GNG7: variants seen among roughly 807,000 people sequenced by gnomAD.
GNG7 encodes G protein subunit gamma 7.
GNG7 carries 1 observed loss-of-function variant against 4.0 expected under a neutral mutation model. That is an observed-to-expected ratio of 0.25 (90% CI 0.09 to 1.18). The LOEUF is 1.18. Ranked by LOEUF, GNG7 falls within the 50% of genes most tolerant of loss-of-function variation. The pLI, the probability that GNG7 is intolerant of heterozygous loss-of-function variation, is 0.50. For synonymous variants in GNG7, 34 were observed against 36.9 expected (o/e 0.92, Z 0.29); for missense variants, 86 against 91.9 (o/e 0.94, Z 0.26).
chr19:2,688,345 G>T (rs1349756934), intron 1 of GNG7, among the ~76,000 whole-genome samples: 6 of 152,192 alleles, frequency 3.9e-5, no homozygotes, highest in Admixed American at 3.9e-4. Flanking sequence ...GGGAAGTGGG[G>T]AGTTCCCTCA....
chr19:2,547,993 T>C (rs568554469), intron 3 of GNG7, among the ~76,000 whole-genome samples: 1 of 152,280 alleles, frequency 6.6e-6, no homozygotes, highest in African/African-American at 2.4e-5. Context: ...TTCTCTGCTG[T>C]GGCCCGTGGG....
chr19:2,682,080 T>C (rs1380729805), intron 1 of GNG7, among the ~76,000 whole-genome samples: 3 of 151,902 alleles, frequency 2.0e-5, no homozygotes, highest in African/African-American at 7.3e-5. Context: ...CGGCTAATTT[T>C]GTATTTTTAG....
rs1045889656 is a variant in GNG7 at position 2,702,658 on chromosome 19, C to T, written c.-147G>A. The stretch of plus-strand genomic sequence containing the variant: ...CGGGCGCCCTTACCTGCGCTCGGGC[C>T]CCGCGGCCGCCTCAGCCCCGCCGCG... On this transcript the variant is annotated 5_prime_UTR_variant, in exon 1 of 5. Transcript: ENST00000382159. 1 of 151,316 alleles carries T rather than the reference C, an allele frequency of 6.6e-6. No individual in the cohort carries two copies. Among genetic ancestry groups the T allele is most frequent in the Non-Finnish European group, 1.5e-5 (1 of 67,646 alleles). The allele number at this position is 151,316 out of a possible 1,614,324, so 9.4% of individuals were successfully genotyped here.
At chr19:2,541,539 C>T (rs975726743) in intron 3 of GNG7, among the ~76,000 whole-genome samples, 1 of 151,890 alleles carries the variant, frequency 6.6e-6, no homozygotes, top group Non-Finnish European at 1.5e-5. Flanking sequence ...TCGAGACCAG[C>T]CTGGCCAAGA....
At chr19:2,600,968 G>C (rs1273180888) in intron 2 of GNG7, among the ~76,000 whole-genome samples, 1 of 152,030 alleles carries the variant, frequency 6.6e-6, no homozygotes, top group Non-Finnish European at 1.5e-5. Context: ...GGCTGAAGGA[G>C]AATAAAAAAG....
In GNG7 at chr19:2,657,348, AAAAAAAAAAAAAAATATATAT is replaced by A. The variant is rs1303431185; in HGVS notation, c.-134-11089_-134-11069del. Among the ~76,000 whole-genome samples the A allele has an allele frequency of 8.3e-4, 34 of 41,102 alleles. 4 individuals carry two copies. Among genetic ancestry groups the A allele is most frequent in the African/African-American group, 3.0e-3 (29 of 9,608 alleles). 27.0% of individuals were successfully genotyped at this position (41,102 alleles called of 152,430 possible). A position where few individuals can be genotyped will look rare whatever the true frequency, so the allele number is the denominator to read the frequency against. Reference sequence around the variant, plus strand: ...GACCCCGTCTCAATTAAAAAAAAAAAAAAAAAAAAAAAAATATATATATATATATATATATATATATATATA... The same window carrying A: ...GACCCCGTCTCAATTAAAAAAAAAAAATATATATATATATATATATATATA... On this transcript the variant is annotated intron_variant, in intron 1 of 4. Transcript: ENST00000382159.
chr19:2,650,857 C>T (rs1171114491), intron 1 of GNG7, among the ~76,000 whole-genome samples: 1 of 152,198 alleles, frequency 6.6e-6, no homozygotes, highest in East Asian at 1.9e-4. Context: ...GGAGGAGAGA[C>T]CTCTCCGCGG....
At position 2,515,099 on chromosome 19, in the gene GNG7, G is replaced by A. The variant is rs773705229; in HGVS notation, c.130C>T (p.Arg44Trp). 1.1e-5 allele frequency: 18 copies of A among 1,613,878 alleles called. No homozygotes were observed. Among genetic ancestry groups the A allele is most frequent in the South Asian group, 2.2e-5 (2 of 91,064 alleles). Residue 44 changes from arginine to tryptophan, a missense_variant, in exon 5 of 5, where the codon CGG becomes TGG. Transcript: ENST00000382159. ...DLMSYCEQHA[R>W]NDPLLVGVPA... ...ACTCCGACCAGCAGGGGGTCGTTCC[G>A]GGCATGTTGCTCACAGTAGCTCATG...
At chr19:2,524,490 A>G (rs1307147002) in intron 3 of GNG7, among the ~76,000 whole-genome samples, 3 of 152,174 alleles carry the variant, frequency 2.0e-5, no homozygotes, top group Non-Finnish European at 2.9e-5. Flanking sequence ...GTATGTGTAT[A>G]CTGGCATTCA....
chr19:2,616,274 T>C (rs1372447464), intron 2 of GNG7, among the ~76,000 whole-genome samples: 1 of 152,104 alleles, frequency 6.6e-6, no homozygotes, highest in African/African-American at 2.4e-5. Context: ...AGCCGGAGTC[T>C]CGCTCTGCTG....
chr19:2,528,030 G>C (rs1978465753), intron 3 of GNG7, among the ~76,000 whole-genome samples: 2 of 152,130 alleles, frequency 1.3e-5, no homozygotes, highest in Admixed American at 6.6e-5. Context: ...AACTTTGGGA[G>C]GTTGAGGCGG....
In GNG7 at chr19:2,614,376, T is replaced by A. The variant is rs1470051367; in HGVS notation, c.-78+31848A>T. Among the ~76,000 whole-genome samples, 1 of 152,168 alleles carries A rather than the reference T, an allele frequency of 6.6e-6. No homozygotes were observed. Among genetic ancestry groups the A allele is most frequent in the African/African-American group, 2.4e-5 (1 of 41,422 alleles). On this transcript the variant is annotated intron_variant, in intron 2 of 4. Transcript: ENST00000382159. The surrounding 1 kb of genome is among the most constrained non-coding windows in gnomAD (Gnocchi z 6.0). ...ACATCCAGTGGCATTCGTGCAGCCATCATCTCTAGCTAGCTCTAGAACATT... is the reference window on the plus strand; with the variant it reads ...ACATCCAGTGGCATTCGTGCAGCCAACATCTCTAGCTAGCTCTAGAACATT...
chr19:2,620,130 GAGGT>G (rs1389691439), intron 2 of GNG7, among the ~76,000 whole-genome samples: 1 of 150,896 alleles, frequency 6.6e-6, no homozygotes, highest in South Asian at 2.1e-4. Context: ...CCGGGAGGTA[GAGGT>G]TGCAGGTTGC....
chr19:2,633,481 GCGCGCGCACACACA>G lies in GNG7; in HGVS notation c.-78+12729_-78+12742del, dbSNP rs979604334. Among the ~76,000 whole-genome samples the G allele has an allele frequency of 1.4e-4, 11 of 80,448 alleles. No homozygotes were observed. The highest frequency in any genetic ancestry group is 3.9e-4 in the African/African-American group (10 of 25,372). The allele number at this position is 80,448 out of a possible 152,430, so 52.8% of individuals were successfully genotyped here. A position where few individuals can be genotyped will look rare whatever the true frequency, so the allele number is the denominator to read the frequency against. ...GTTGCTTAGCAACAGGCGCGCGCGC[GCGCGCGCACACACA>G]CACACACACACACACACACACACAC... On this transcript the variant is annotated intron_variant, in intron 2 of 4. Transcript: ENST00000382159. This position sits in a 1 kb window ranked among gnomAD's most constrained non-coding sequence, Gnocchi z 5.9.
At chr19:2,605,476 G>T (rs1458009479) in intron 2 of GNG7, among the ~76,000 whole-genome samples, 1 of 148,762 alleles carries the variant, frequency 6.7e-6, no homozygotes, top group Middle Eastern at 3.6e-3. Flanking sequence ...TGGGATTACA[G>T]GTGTGAGCCA....
intron 1 of GNG7, among the ~76,000 whole-genome samples, chr19:2,650,398 AG>A (rs1982780572): frequency 6.6e-6 from 1 of 152,050 alleles, no homozygotes; most frequent in Admixed American, 6.6e-5. Context: ...CATGTTGGCC[AG>A]GCTGGTCTTG....
chr19:2,571,097 C>T (rs1042310568), intron 2 of GNG7, among the ~76,000 whole-genome samples: 6 of 148,724 alleles, frequency 4.0e-5, no homozygotes, highest in African/African-American at 1.5e-4. Context: ...CCACCGTGCC[C>T]GGCGGAGTTG....
intron 2 of GNG7, among the ~76,000 whole-genome samples, chr19:2,574,477 C>T (rs576187339): frequency 3.9e-5 from 6 of 152,272 alleles, no homozygotes; most frequent in South Asian, 4.1e-4. Flanking sequence ...TGGGATCACA[C>T]AGGATACGTC....
chr19:2,638,037 T>C (rs1982363018), intron 2 of GNG7, among the ~76,000 whole-genome samples: 1 of 152,088 alleles, frequency 6.6e-6, no homozygotes, highest in South Asian at 2.1e-4. Context: ...TTTATTCTGG[T>C]GTCCAGTGTG....
Sources: gnomAD v4.1 joint callset for allele counts (sites outside exome capture counted in the v4.1 genomes callset) on GRCh38, gnomAD v4.1.1 for gene constraint, Gnocchi (gnomAD v3.1) non-coding constraint, MANE v1.5 for transcripts, NCBI Gene and HGNC (gene_info 2026-07-23, HGNC 2026-07-21) for gene names.